The following MRPL37 variants were observed in gnomAD, a reference collection of about 807,000 sequenced individuals.
MRPL37 encodes mitochondrial ribosomal protein L37, also known as large ribosomal subunit protein mL37.
MRPL37 carries 34 observed loss-of-function variants against 44.1 expected under a neutral mutation model. That is an observed-to-expected ratio of 0.77 (90% confidence interval 0.59 to 1.03). MRPL37 has a LOEUF of 1.03. Ranked by LOEUF, MRPL37 falls within the 50% of genes least tolerant of loss-of-function variation. MRPL37 has a pLI of 0.00. For synonymous variants in MRPL37, 212 were observed against 219.5 expected, an observed-to-expected ratio of 0.97 and a Z score of 0.30; for missense variants, 532 against 543.7, an observed-to-expected ratio of 0.98 and a Z score of 0.21.
downstream of MRPL37, among the ~76,000 whole-genome samples, chr1:54,222,794 A>C (rs1644244826): frequency 6.6e-6 from 1 of 152,194 alleles, no homozygotes; most frequent in African/African-American, 2.4e-5. Flanking sequence ...ACTGGATATC[A>C]AATCAGCATC....
chr1:54,200,605 G>T lies in MRPL37; in HGVS notation c.346+16G>T. The T allele has an allele frequency of 1.3e-6, 2 of 1,575,106 alleles. No homozygotes were observed. Among genetic ancestry groups the T allele is most frequent in the Non-Finnish European group, 1.7e-6 (2 of 1,156,278 alleles). On this transcript the variant is annotated intron_variant, in intron 1 of 6. Transcript: ENST00000360840. ...CTTCTCGAGGGTGAGGCCCCAGGACGGGCGGCAAGGGACCGTGTTCCTCTA... is the reference window on the plus strand; with the variant it reads ...CTTCTCGAGGGTGAGGCCCCAGGACTGGCGGCAAGGGACCGTGTTCCTCTA...
chr1:54,224,986 G>A, downstream of MRPL37: 2 of 810,490 alleles, frequency 2.5e-6, no homozygotes, highest in Non-Finnish European at 3.3e-6. Flanking sequence ...GCCAACAGCA[G>A]GCACTTGAGG....
At chr1:54,201,644 ATTT>A (rs764010480) in intron 1 of MRPL37, among the ~76,000 whole-genome samples, 5 of 152,216 alleles carry the variant, frequency 3.3e-5, no homozygotes, top group Non-Finnish European at 7.3e-5. Context: ...TAGAGAAGCC[ATTT>A]GGGGTAATGG....
chr1:54,222,434 G>A (rs1397825876), downstream of MRPL37, among the ~76,000 whole-genome samples: 1 of 152,142 alleles, frequency 6.6e-6, no homozygotes, highest in Non-Finnish European at 1.5e-5. Flanking sequence ...GAGTGTCCAT[G>A]GCCCTTCCAT....
intron 1 of MRPL37, among the ~76,000 whole-genome samples, chr1:54,202,734 A>G (rs1192170362): frequency 2.0e-5 from 3 of 151,946 alleles, no homozygotes. Flanking sequence ...AAAGCAATCT[A>G]CCTACTTCAG....
chr1:54,216,270 G>C lies in MRPL37; in HGVS notation c.1120G>C (p.Ala374Pro). 3.7e-6 allele frequency: 6 copies of C among 1,614,180 alleles called. No individual in the cohort carries two copies. Among genetic ancestry groups the C allele is most frequent in the Non-Finnish European group, 5.1e-6 (6 of 1,180,038 alleles). ...LDCNEGVKNLAWVDSDQLLYQ... is the reference protein window; with the variant it reads ...LDCNEGVKNLPWVDSDQLLYQ... The stretch of plus-strand genomic sequence containing the variant: ...CTGTAACGAGGGTGTCAAGAATTTG[G>C]CCTGGGTGGACTCAGACCAGCTCCT... The change falls in exon 6 of 7, where the codon GCC becomes CCC. Residue 374 changes from alanine (A) to proline (P), a missense_variant. By Grantham distance (27) the Ala-to-Pro change is conservative. Transcript: ENST00000360840.
intron 3 of MRPL37, among the ~76,000 whole-genome samples, 162 bp downstream of exon 3, chr1:54,205,572 C>T (rs1644115931): frequency 6.6e-6 from 1 of 152,166 alleles, no homozygotes. Flanking sequence ...GTATCATTAG[C>T]CATAGCCCAA....
At chr1:54,202,204 G>T (rs1450170557) in intron 1 of MRPL37, among the ~76,000 whole-genome samples, 1 of 152,074 alleles carries the variant, frequency 6.6e-6, no homozygotes, top group Non-Finnish European at 1.5e-5. Flanking sequence ...GTCTCACCAT[G>T]TTGCGCAGGC....
intron 6 of MRPL37, 125 bp from the exon 7 acceptor site, chr1:54,218,047 G>C (rs1387284936): frequency 1.1e-6 from 1 of 899,072 alleles, no homozygotes; most frequent in African/African-American, 1.6e-5. Flanking sequence ...TAGTCCGAGA[G>C]AGAGACGATG....
downstream of MRPL37, among the ~76,000 whole-genome samples, chr1:54,219,209 A>G (rs961146299): frequency 6.6e-6 from 1 of 152,210 alleles, no homozygotes; most frequent in Non-Finnish European, 1.5e-5. Flanking sequence ...GCCATTGGAT[A>G]TGTGCTGCTT....
chr1:54,212,260 A>G (rs767132437), intron 4 of MRPL37, among the ~76,000 whole-genome samples: 4 of 152,210 alleles, frequency 2.6e-5, no homozygotes, highest in Non-Finnish European at 5.9e-5. Flanking sequence ...CCCAATAGTC[A>G]TACGTAAATG....
intron 1 of MRPL37, among the ~76,000 whole-genome samples, chr1:54,200,846 C>T (rs1336617987): frequency 6.6e-6 from 1 of 152,226 alleles, no homozygotes; most frequent in Admixed American, 6.5e-5. Context: ...CTGGCTCTCT[C>T]TCTTTGACTT....
In MRPL37 at chr1:54,212,609, T is replaced by C; in HGVS notation, c.941T>C (p.Ile314Thr). The C allele has an allele frequency of 6.2e-7, 1 of 1,614,202 alleles. No individual in the cohort carries two copies. The highest frequency in any genetic ancestry group is 1.3e-5 in the African/African-American group (1 of 75,056). ...CCAGATCAGCTGCGGGCCAAGATGA[T>C]CCTGTTTGCTTTTGGCAGTGCCCTG... The part of the protein sequence containing the change: ...LQPDQLRAKM[I>T]LFAFGSALAQ... Residue 314 changes from isoleucine (I) to threonine (T), a missense_variant, in exon 5 of 7, where the codon ATC becomes ACC. Coordinates refer to ENST00000360840, the MANE Select transcript of MRPL37 (RefSeq NM_016491.4).
At chr1:54,205,431 G>C (rs752431815) in intron 3 of MRPL37, 21 bp downstream of exon 3, 1 of 1,594,746 alleles carries the variant, frequency 6.3e-7, no homozygotes, top group South Asian at 1.1e-5. Flanking sequence ...TTGTACACCA[G>C]AAAGCCTTGG....
chr1:54,215,741 G>A (rs932903232), intron 5 of MRPL37, among the ~76,000 whole-genome samples: 5 of 152,130 alleles, frequency 3.3e-5, no homozygotes, highest in South Asian at 2.1e-4. Context: ...ATATCTATCC[G>A]TTGACCCTCC....
Position 54,208,686 on chromosome 1 carries a change from T to C in MRPL37, c.647-1260T>C, listed in dbSNP as rs559709710. ...CCTTAAATTCTGCCACGGAGTTGCCTGCACCTGACTTTTGCACATTATTCC... is the reference window on the plus strand; with the variant it reads ...CCTTAAATTCTGCCACGGAGTTGCCCGCACCTGACTTTTGCACATTATTCC... On this transcript the variant is annotated intron_variant, in intron 3 of 6. Transcript: ENST00000360840. 5.3e-4 allele frequency among the ~76,000 whole-genome samples: 80 copies of C among 152,182 alleles called. 2 individuals are homozygous for C. The highest frequency in any genetic ancestry group is 5.0e-4 in the Non-Finnish European group (34 of 68,034).
chr1:54,219,630 A>T (rs34331222), downstream of MRPL37, among the ~76,000 whole-genome samples: 145 of 152,346 alleles, frequency 9.5e-4, 2 homozygotes, highest in East Asian at 0.025. Context: ...CAGACAGGAA[A>T]CAATTATACA....
chr1:54,204,999 G>A lies in MRPL37; in HGVS notation c.347-19G>A. ...TCTTTTTCTTTCCTTCTTTATTTTT[G>A]TGGCTAATTACCTCAAAGGTGTAAA... On this transcript the variant is annotated intron_variant, in intron 1 of 6. Transcript: ENST00000360840. 6.3e-7 allele frequency: 1 copy of A among 1,587,712 alleles called. No homozygotes were observed. The highest frequency in any genetic ancestry group is 8.6e-7 in the Non-Finnish European group (1 of 1,165,460).
intron 4 of MRPL37, 104 bp from the exon 5 acceptor site, chr1:54,212,397 C>T: frequency 2.2e-6 from 3 of 1,382,344 alleles, no homozygotes; most frequent in South Asian, 1.3e-5. Flanking sequence ...TGTTGAGTCT[C>T]TCTGTAGCAC....
Sources: allele counts gnomAD v4.1 joint callset (sites outside exome capture counted in the v4.1 genomes callset), GRCh38; gene constraint gnomAD v4.1.1; transcripts MANE v1.5; gene names NCBI Gene and HGNC (gene_info 2026-07-23, HGNC 2026-07-21).